The following ZNF385B variants were observed in gnomAD, a reference collection of about 807,000 sequenced individuals.
The protein encoded by ZNF385B is zinc finger protein 533.
In ZNF385B, 23 loss-of-function variants were observed where a neutral mutation model predicts 39.2. That is an observed-to-expected ratio of 0.59 (90% CI 0.42 to 0.83). The LOEUF is 0.83. ZNF385B is among the 40% of genes least tolerant of loss of function. ZNF385B has a pLI of 0.00. For synonymous variants in ZNF385B, 205 were observed against 222.6 expected (o/e 0.92, Z 0.70); for missense variants, 552 against 598.9 (o/e 0.92, Z 0.82).
chr2:179,472,100 A>G (rs1245707704), intron 6 of ZNF385B, among the ~76,000 whole-genome samples: 3 of 152,222 alleles, frequency 2.0e-5, no homozygotes, highest in Non-Finnish European at 4.4e-5. Context: ...GGTCTAATGG[A>G]ATACACATCA....
intron 5 of ZNF385B, among the ~76,000 whole-genome samples, chr2:179,492,979 T>A (rs2105660960): frequency 6.6e-6 from 1 of 152,254 alleles, no homozygotes; most frequent in East Asian, 1.9e-4. Context: ...AAGAGATTGG[T>A]CTGCTGGAGG....
intron 6 of ZNF385B, among the ~76,000 whole-genome samples, chr2:179,451,178 C>T (rs2050105320): frequency 6.7e-6 from 1 of 148,732 alleles, no homozygotes; most frequent in Non-Finnish European, 1.5e-5. Flanking sequence ...TTCAGCACAC[C>T]AACATGGCAC....
chr2:179,643,095 T>C (rs1692410081), intron 3 of ZNF385B, among the ~76,000 whole-genome samples: 1 of 150,982 alleles, frequency 6.6e-6, no homozygotes, highest in African/African-American at 2.4e-5. Flanking sequence ...CAAAAATAAA[T>C]GAAGTGAATC....
chr2:179,542,710 C>T (rs981519420), intron 4 of ZNF385B, among the ~76,000 whole-genome samples: 1 of 151,642 alleles, frequency 6.6e-6, no homozygotes, highest in Non-Finnish European at 1.5e-5. Flanking sequence ...ATTTTGATAA[C>T]AAAAAAAGTG....
chr2:179,764,694 T>C (rs1703590004), intron 3 of ZNF385B, among the ~76,000 whole-genome samples: 1 of 152,224 alleles, frequency 6.6e-6, no homozygotes, highest in African/African-American at 2.4e-5. Flanking sequence ...GCATTTAACT[T>C]TCCTACTTTC....
intron 3 of ZNF385B, among the ~76,000 whole-genome samples, chr2:179,751,687 G>T (rs1042480907): frequency 6.6e-6 from 1 of 151,916 alleles, no homozygotes; most frequent in Non-Finnish European, 1.5e-5. Context: ...GGATCCTGGG[G>T]GCGTCAAAGA....
chr2:179,522,376 C>G (rs997904113), intron 4 of ZNF385B, among the ~76,000 whole-genome samples: 2 of 152,110 alleles, frequency 1.3e-5, no homozygotes, highest in Non-Finnish European at 2.9e-5. Flanking sequence ...TCTCTGTAGT[C>G]ATAATGAGAT....
At chr2:179,589,401 T>A (rs1687366671) in intron 3 of ZNF385B, among the ~76,000 whole-genome samples, 1 of 152,080 alleles carries the variant, frequency 6.6e-6, no homozygotes, top group South Asian at 2.1e-4. Context: ...CCCAGACACA[T>A]GTATTCCATA....
intron 5 of ZNF385B, among the ~76,000 whole-genome samples, chr2:179,483,672 G>A (rs957095977): frequency 6.6e-6 from 1 of 152,154 alleles, no homozygotes; most frequent in African/African-American, 2.4e-5. Flanking sequence ...CATTATATGA[G>A]TGGACAAAAG....
At chr2:179,809,060 T>C (rs1385264959) in intron 1 of ZNF385B, among the ~76,000 whole-genome samples, 7 of 152,198 alleles carry the variant, frequency 4.6e-5, no homozygotes, top group African/African-American at 1.7e-4. Flanking sequence ...TTGAATCAGG[T>C]TGATAGCTGT....
At chr2:179,625,307 G>C (rs1384073949) in intron 3 of ZNF385B, among the ~76,000 whole-genome samples, 2 of 151,978 alleles carry the variant, frequency 1.3e-5, no homozygotes, top group African/African-American at 4.8e-5. Context: ...GCAAGAATAA[G>C]ACTAAGAGAG....
intron 3 of ZNF385B, among the ~76,000 whole-genome samples, chr2:179,584,310 A>G (rs548546125): frequency 1.3e-5 from 2 of 152,182 alleles, no homozygotes; most frequent in South Asian, 4.2e-4. Context: ...TGGGGAGGGC[A>G]AAATAATCCT....
At chr2:179,830,944 C>T (rs1707949771) in intron 1 of ZNF385B, among the ~76,000 whole-genome samples, 1 of 152,120 alleles carries the variant, frequency 6.6e-6, no homozygotes, top group South Asian at 2.1e-4. Flanking sequence ...ATAAGGGAAA[C>T]TGAGGGGAAA....
At chr2:179,522,101 C>G (rs2058548036) in intron 4 of ZNF385B, among the ~76,000 whole-genome samples, 1 of 152,152 alleles carries the variant, frequency 6.6e-6, no homozygotes, top group Non-Finnish European at 1.5e-5. Flanking sequence ...GTCACTTTAT[C>G]TGATTTTGAA....
chr2:179,759,317 T>C (rs1025283541), intron 3 of ZNF385B, among the ~76,000 whole-genome samples: 2 of 152,160 alleles, frequency 1.3e-5, no homozygotes, highest in Non-Finnish European at 2.9e-5. Context: ...CTGGAATTGA[T>C]GCAGAGGCTC....
intron 4 of ZNF385B, among the ~76,000 whole-genome samples, chr2:179,539,596 A>G (rs2105890894): frequency 6.6e-6 from 1 of 152,332 alleles, no homozygotes; most frequent in South Asian, 2.1e-4. Context: ...AACAAAGATG[A>G]AAATTTAATC....
chr2:179,733,553 C>G (rs1022102650), intron 3 of ZNF385B, among the ~76,000 whole-genome samples: 3 of 152,068 alleles, frequency 2.0e-5, no homozygotes, highest in Non-Finnish European at 4.4e-5. Flanking sequence ...GAGGCCGAGG[C>G]GGGCGGATCA....
intron 1 of ZNF385B, among the ~76,000 whole-genome samples, chr2:179,844,060 G>A (rs765129098): frequency 6.6e-6 from 1 of 152,182 alleles, no homozygotes; most frequent in African/African-American, 2.4e-5. Flanking sequence ...TCTGTACAAT[G>A]AGCCCATACT....
chr2:179,519,280 C>G (rs2058316304), intron 4 of ZNF385B, among the ~76,000 whole-genome samples: 1 of 152,294 alleles, frequency 6.6e-6, no homozygotes, highest in Non-Finnish European at 1.5e-5. Flanking sequence ...ATGACAGGCT[C>G]TTATCAGAGC....
Sources: allele counts gnomAD v4.1 joint callset (sites outside exome capture counted in the v4.1 genomes callset), GRCh38; gene constraint gnomAD v4.1.1; transcripts MANE v1.5; gene names NCBI Gene and HGNC (gene_info 2026-07-23, HGNC 2026-07-21).